USP34: variants seen among roughly 807,000 people sequenced by gnomAD.
USP34 encodes ubiquitin carboxyl-terminal hydrolase 34.
USP34 carries 70 observed loss-of-function variants against 460.3 expected under a neutral mutation model. That is an observed-to-expected ratio of 0.15 (90% confidence interval 0.13 to 0.19). The LOEUF is 0.19. Among genes scored for constraint, USP34 ranks in the 10% least tolerant of loss-of-function variants. The pLI is 1.00. For missense variants in USP34, 3,985 were observed against 4,236.2 expected, an observed-to-expected ratio of 0.94 and a Z score of 1.65; for synonymous variants, 1,647 against 1,405.3, an observed-to-expected ratio of 1.17 and a Z score of -3.85.
rs563261494 is a variant in USP34, at chr2:61,438,257, G to C, written c.44-17424C>G. ...ATAGAATGAAGGACAAAAACCATAG[G>C]ATCATCTCAATAGAATCGGAAAAAG... On this transcript the variant is annotated intron_variant, in intron 1 of 79. Transcript: ENST00000398571. Among the ~76,000 whole-genome samples the C allele has an allele frequency of 7.6e-4, 115 of 152,178 alleles. 1 individual carries two copies. The South Asian group carries it at 7.7e-3, about 10-fold the overall frequency.
intron 76 of USP34, chr2:61,190,871 G>A (rs1184987980): frequency 1.1e-5 from 5 of 470,712 alleles, no homozygotes; most frequent in Non-Finnish European, 1.8e-5. Context: ...TTTAGATTAA[G>A]GGAGTGCTGG....
intron 3 of USP34, among the ~76,000 whole-genome samples, chr2:61,396,380 T>G (rs1413194363): frequency 6.6e-6 from 1 of 152,176 alleles, no homozygotes; most frequent in Non-Finnish European, 1.5e-5. Flanking sequence ...AAGGAACTAA[T>G]CATACTAGTA....
At chr2:61,253,489 G>A (rs955317393) in intron 48 of USP34, among the ~76,000 whole-genome samples, 9 of 152,078 alleles carry the variant, frequency 5.9e-5, no homozygotes, top group East Asian at 1.9e-4. Flanking sequence ...ACATAGCTAC[G>A]CTTTCATTTG....
At chr2:61,189,905 T>G (rs1028564300) in intron 78 of USP34, 1 of 165,724 alleles carries the variant, frequency 6.0e-6, no homozygotes, top group Non-Finnish European at 1.3e-5. Flanking sequence ...TGCTCTAGAT[T>G]TAACTGCCTT....
chr2:61,397,288 C>G (rs1693558609), intron 3 of USP34, among the ~76,000 whole-genome samples: 2 of 151,400 alleles, frequency 1.3e-5, no homozygotes, highest in South Asian at 2.1e-4. Context: ...ACTAAAAATA[C>G]AAAAATTAGC....
Position 61,380,298 on chromosome 2 carries a change from T to G in USP34, c.885A>C (p.Leu295Phe). The part of the protein sequence containing the change: ...RQSAARNMAD[L>F]MWSTVKEPLD... ...ATGGTTCTTTGACTGTGCTCCACAT[T>G]AAGTCAGCCATGTTACGAGCTGCAC... Residue 295 changes from leucine to phenylalanine, a missense_variant, in exon 7 of 80, where the codon TTA becomes TTC. This residue lies in a region of USP34 where 70 missense variants were observed against 109.5 expected (regional missense o/e 0.64). Transcript: ENST00000398571. The G allele has an allele frequency of 6.2e-7, 1 of 1,614,122 alleles. No individual in the cohort carries two copies. The highest frequency in any genetic ancestry group is 1.7e-5 in the Admixed American group (1 of 60,020).
At chr2:61,243,290 G>T (rs1245783092) in intron 51 of USP34, among the ~76,000 whole-genome samples, 2 of 152,060 alleles carry the variant, frequency 1.3e-5, no homozygotes, top group East Asian at 3.9e-4. Context: ...GGGACTACAG[G>T]CACCCGCCAC....
intron 63 of USP34, 28 bp downstream of exon 63, chr2:61,223,218 CAA>C: frequency 6.2e-7 from 1 of 1,613,510 alleles, no homozygotes; most frequent in Non-Finnish European, 8.5e-7. Flanking sequence ...TTGTGATGAT[CAA>C]ATTGTCTAAT....
At chr2:61,398,717 A>G (rs1693618476) in intron 3 of USP34, among the ~76,000 whole-genome samples, 1 of 152,224 alleles carries the variant, frequency 6.6e-6, no homozygotes, top group Non-Finnish European at 1.5e-5. Context: ...CATCATTGCC[A>G]TCACCTATTT....
chr2:61,357,916 C>A (rs769788318), intron 10 of USP34, among the ~76,000 whole-genome samples: 1 of 151,968 alleles, frequency 6.6e-6, no homozygotes, highest in Admixed American at 6.6e-5. Flanking sequence ...ATGGGCCGGG[C>A]GTGGTGGCTC....
At chr2:61,367,302 G>A (rs966023688) in intron 10 of USP34, among the ~76,000 whole-genome samples, 5 of 151,534 alleles carry the variant, frequency 3.3e-5, no homozygotes, top group Non-Finnish European at 7.4e-5. Context: ...AGAAGCACGA[G>A]TGCGCGCGCA....
At chr2:61,409,024 A>G (rs898210140) in intron 2 of USP34, among the ~76,000 whole-genome samples, 2 of 152,108 alleles carry the variant, frequency 1.3e-5, no homozygotes, top group Admixed American at 1.3e-4. Context: ...GTTCAAGACC[A>G]GCCTGACCAA....
intron 48 of USP34, among the ~76,000 whole-genome samples, chr2:61,250,779 T>C (rs923654470): frequency 6.6e-6 from 1 of 152,184 alleles, no homozygotes; most frequent in Admixed American, 6.5e-5. Flanking sequence ...AATCAAAGAA[T>C]AGACACTAAA....
At chr2:61,232,870 C>CCTT (rs1214353382) in intron 57 of USP34, among the ~76,000 whole-genome samples, 32 of 86,764 alleles carry the variant, frequency 3.7e-4, no homozygotes, top group African/African-American at 1.2e-3. Context: ...TCCCCCCCCC[C>CCTT]TTTTTTTTTT....
intron 16 of USP34, among the ~76,000 whole-genome samples, chr2:61,340,836 TTTC>T (rs2103756470): frequency 6.6e-6 from 1 of 151,848 alleles, no homozygotes; most frequent in East Asian, 1.9e-4. Context: ...TTTTCAAATA[TTTC>T]TTCTAGTCTG....
intron 1 of USP34, among the ~76,000 whole-genome samples, chr2:61,457,742 T>C (rs940850810): frequency 7.2e-5 from 11 of 152,090 alleles, no homozygotes; most frequent in Non-Finnish European, 4.4e-5. Context: ...GCACCTGTAG[T>C]CCCAGCTACT....
intron 67 of USP34, among the ~76,000 whole-genome samples, 181 bp from the exon 68 acceptor site, chr2:61,214,875 A>G (rs1352021582): frequency 6.6e-6 from 1 of 152,228 alleles, no homozygotes; most frequent in Non-Finnish European, 1.5e-5. Context: ...CCAAGAGGTG[A>G]TAAAAATAGA....
chr2:61,345,304 C>T (rs1050448059), intron 15 of USP34, among the ~76,000 whole-genome samples: 2 of 151,886 alleles, frequency 1.3e-5, no homozygotes, highest in African/African-American at 2.4e-5. Context: ...ATTATCTGGC[C>T]CAAAATGCCA....
intron 53 of USP34, among the ~76,000 whole-genome samples, chr2:61,238,747 G>C (rs1688144744): frequency 6.6e-6 from 1 of 152,032 alleles, no homozygotes; most frequent in African/African-American, 2.4e-5. Flanking sequence ...TGTTGGCTTA[G>C]GTCTGCAATG....
Sources: gnomAD v4.1 joint callset for allele counts (sites outside exome capture counted in the v4.1 genomes callset) on GRCh38, gnomAD v4.1.1 for gene constraint, gnomAD v4.1.1 regional missense constraint, MANE v1.5 for transcripts, NCBI Gene and HGNC (gene_info 2026-07-23, HGNC 2026-07-21) for gene names.